The following VPS45 variants were observed in gnomAD, a reference collection of about 807,000 sequenced individuals.
VPS45 encodes the protein vacuolar protein sorting-associated protein 45.
Under a neutral mutation model 75.9 loss-of-function variants are expected in VPS45, and 35 were observed. The ratio of observed to expected loss-of-function variants is 0.46; its 90% CI spans 0.35 to 0.61. The LOEUF is 0.61. Ranked by LOEUF, VPS45 falls within the 20% of genes least tolerant of loss-of-function variation. The probability of loss-of-function intolerance (pLI) is 0.00; values close to 1 mark genes in which losing one functional copy is unlikely to be tolerated. For synonymous variants in VPS45, 220 were observed against 238.2 expected (o/e 0.92, Z 0.70); for missense variants, 559 against 685.9 (o/e 0.81, Z 2.07).
intron 7 of VPS45, 130 bp from the exon 8 acceptor site, chr1:150,081,212 A>C: frequency 1.1e-6 from 1 of 933,180 alleles, no homozygotes; most frequent in African/African-American, 1.7e-5. Context: ...GTATGAATAA[A>C]ATTTAACTCG....
intron 4 of VPS45, 187 bp from the exon 5 acceptor site, chr1:150,076,729 G>C (rs1443751117): frequency 9.6e-6 from 6 of 627,752 alleles, no homozygotes; most frequent in African/African-American, 9.2e-5. Flanking sequence ...TATTGCTACT[G>C]TTTTGTAATT....
chr1:150,124,582 C>G (rs1658408326), intron 14 of VPS45, among the ~76,000 whole-genome samples: 1 of 145,674 alleles, frequency 6.9e-6, no homozygotes, highest in African/African-American at 2.5e-5. Context: ...GAGTCTCGCC[C>G]TGTCACCCAG....
chr1:150,093,812 C>T (rs1294664528), intron 13 of VPS45, among the ~76,000 whole-genome samples, 164 bp downstream of exon 13: 2 of 152,318 alleles, frequency 1.3e-5, no homozygotes, highest in African/African-American at 4.8e-5. Flanking sequence ...ATGAATTCCC[C>T]TGCTAAGTCT....
chr1:150,094,124 G>A (rs1656494226), intron 13 of VPS45, among the ~76,000 whole-genome samples: 1 of 152,252 alleles, frequency 6.6e-6, no homozygotes, highest in African/African-American at 2.4e-5. Context: ...TTCTTTTTGA[G>A]TATTAACTAA....
At chr1:150,084,632 T>C (rs185498884) in intron 10 of VPS45, among the ~76,000 whole-genome samples, 112 of 152,288 alleles carry the variant, frequency 7.4e-4, no homozygotes, top group African/African-American at 2.5e-3. Context: ...CCCTATATTC[T>C]AAAGCTTAGC....
chr1:150,080,363 C>G (rs1571829776), intron 7 of VPS45, among the ~76,000 whole-genome samples: 1 of 152,150 alleles, frequency 6.6e-6, no homozygotes, highest in East Asian at 1.9e-4. Flanking sequence ...AGGCCGGTCT[C>G]GAACTCCCGA....
At chr1:150,090,732 C>G (rs1256789687) in intron 10 of VPS45, among the ~76,000 whole-genome samples, 1 of 152,198 alleles carries the variant, frequency 6.6e-6, no homozygotes, top group Non-Finnish European at 1.5e-5. Flanking sequence ...ACTCACTTCT[C>G]ATAAAGACTA....
At chr1:150,098,207 T>A (rs1405442848) in intron 13 of VPS45, among the ~76,000 whole-genome samples, 1 of 152,252 alleles carries the variant, frequency 6.6e-6, no homozygotes, top group Non-Finnish European at 1.5e-5. Flanking sequence ...TACCTCTGGA[T>A]ATTGAGACAG....
At chr1:150,137,508 C>G (rs1659174983) in intron 14 of VPS45, among the ~76,000 whole-genome samples, 1 of 152,192 alleles carries the variant, frequency 6.6e-6, no homozygotes, top group South Asian at 2.1e-4. Context: ...CTAGCTCTTC[C>G]ACTTGGGCAC....
intron 13 of VPS45, among the ~76,000 whole-genome samples, chr1:150,094,177 A>G (rs1304020406): frequency 6.6e-6 from 1 of 152,232 alleles, no homozygotes; most frequent in Non-Finnish European, 1.5e-5. Context: ...TTAATTTTTA[A>G]TAAAAACAAA....
At chr1:150,139,066 T>C (rs1659253301) in intron 14 of VPS45, among the ~76,000 whole-genome samples, 1 of 152,202 alleles carries the variant, frequency 6.6e-6, no homozygotes, top group Non-Finnish European at 1.5e-5. Context: ...CTGGGATTAC[T>C]GCAGCTGCTT....
intron 14 of VPS45, among the ~76,000 whole-genome samples, chr1:150,111,268 G>A (rs1451968926): frequency 6.6e-6 from 1 of 152,192 alleles, no homozygotes; most frequent in Admixed American, 6.5e-5. Context: ...CTGAGCCTTG[G>A]GTGAAAATGG....
chr1:150,071,306 A>G (rs1206555095), intron 2 of VPS45, among the ~76,000 whole-genome samples: 3 of 152,194 alleles, frequency 2.0e-5, no homozygotes, highest in African/African-American at 7.2e-5. Context: ...AAACTTTCAT[A>G]CTTTATTTTA....
At chr1:150,099,341 A>G (rs185587501) in intron 13 of VPS45, among the ~76,000 whole-genome samples, 36 of 152,066 alleles carry the variant, frequency 2.4e-4, no homozygotes, top group African/African-American at 7.5e-4. Context: ...CTAAAAAAAA[A>G]AATACAAAAA....
intron 14 of VPS45, among the ~76,000 whole-genome samples, chr1:150,137,530 T>G (rs587694862): frequency 6.6e-6 from 1 of 152,188 alleles, no homozygotes; most frequent in African/African-American, 2.4e-5. Context: ...AGAGCCCATC[T>G]ACCTCACCTA....
intron 14 of VPS45, among the ~76,000 whole-genome samples, chr1:150,139,628 G>A (rs1219368504): frequency 2.6e-5 from 4 of 152,058 alleles, no homozygotes; most frequent in African/African-American, 9.7e-5. Flanking sequence ...GCTCACTGCA[G>A]TCTCTAAATC....
upstream of VPS45, chr1:150,067,725 C>A: frequency 1.2e-6 from 1 of 815,822 alleles, no homozygotes; most frequent in Non-Finnish European, 2.0e-6. Context: ...CTCCCAGCAC[C>A]GTGGCTGCCC....
intron 14 of VPS45, among the ~76,000 whole-genome samples, chr1:150,117,261 C>G (rs1320340584): frequency 1.1e-4 from 17 of 151,644 alleles, no homozygotes; most frequent in African/African-American, 4.1e-4. Flanking sequence ...GTGGGTCATG[C>G]CTGTAATCCC....
intron 14 of VPS45, among the ~76,000 whole-genome samples, chr1:150,113,903 AAAGAAG>A (rs587716714): frequency 2.0e-5 from 3 of 152,112 alleles, no homozygotes; most frequent in East Asian, 3.9e-4. Flanking sequence ...TCAAAGAAAA[AAAGAAG>A]AAGAAGAAGA....
Sources: gnomAD v4.1 joint callset for allele counts (sites outside exome capture counted in the v4.1 genomes callset) on GRCh38, gnomAD v4.1.1 for gene constraint, MANE v1.5 for transcripts, NCBI Gene and HGNC (gene_info 2026-07-23, HGNC 2026-07-21) for gene names.